The following SMIM27 variants were observed in gnomAD, a reference collection of about 807,000 sequenced individuals.
The protein encoded by SMIM27 is transition zone microprotein 1.
Under a neutral mutation model 1.8 loss-of-function variants are expected in SMIM27, and 3 were observed. The ratio of observed to expected loss-of-function variants is 1.65; its 90% CI spans 0.75 to 4.28. The LOEUF (loss-of-function observed/expected upper bound fraction) is 4.28. Among genes scored for constraint, SMIM27 ranks in the 30% most tolerant of loss-of-function variants. The pLI is 0.02. For synonymous variants in SMIM27, 19 were observed against 13.9 expected (o/e 1.37, Z -0.82); for missense variants, 63 against 37.0 (o/e 1.70, Z -1.83).
chr9:32,552,747 G>C (rs1004793752), intron 1 of SMIM27, 54 bp from the exon 2 acceptor site: 45 of 684,538 alleles, frequency 6.6e-5, no homozygotes, highest in East Asian at 3.5e-4. Context: ...ACCTGACGGG[G>C]GCGAGGGGAA....
chr9:32,564,640 G>A lies in SMIM27; in HGVS notation c.46-1751G>A, dbSNP rs77369140. Reference sequence around the variant, plus strand: ...TCCAGTCCCACCCCCATGTCCCCCAGGATTACTGCTGTTCAGATCAGCGTT... The same window carrying A: ...TCCAGTCCCACCCCCATGTCCCCCAAGATTACTGCTGTTCAGATCAGCGTT... On this transcript the variant is annotated intron_variant, in intron 1 of 1. Coordinates refer to the SMIM27 transcript ENST00000451672. Among the ~76,000 whole-genome samples, 1,159 of 152,138 alleles carry A rather than the reference G, an allele frequency of 7.6e-3. 13 individuals carry two copies. The highest frequency in any genetic ancestry group is 0.027 in the African/African-American group (1,114 of 41,486).
At chr9:32,554,329 C>G (rs148297780), downstream of SMIM27, among the ~76,000 whole-genome samples, 5 of 152,302 alleles carry the variant, frequency 3.3e-5, no homozygotes, top group Admixed American at 1.3e-4. Flanking sequence ...GAATGTGTTA[C>G]GCAATCACCA....
downstream of SMIM27, among the ~76,000 whole-genome samples, chr9:32,557,663 G>A (rs1173774060): frequency 6.8e-6 from 1 of 146,468 alleles, no homozygotes; most frequent in South Asian, 2.2e-4. Flanking sequence ...ATTTTTAGTA[G>A]AGACGGGGTT....
At chr9:32,562,791 T>C (rs1030964524) in intron 1 of SMIM27, among the ~76,000 whole-genome samples, 4 of 152,212 alleles carry the variant, frequency 2.6e-5, no homozygotes, top group Admixed American at 1.3e-4. Context: ...GTCTCAATAA[T>C]TGTTTGGACT....
At chr9:32,563,042 C>T (rs958401328) in intron 1 of SMIM27, among the ~76,000 whole-genome samples, 3 of 152,106 alleles carry the variant, frequency 2.0e-5, no homozygotes, top group Non-Finnish European at 2.9e-5. Flanking sequence ...GGAGAACAGC[C>T]CCTCAGTTTG....
At chr9:32,553,908 G>A, downstream of SMIM27, 1 of 1,599,362 alleles carries the variant, frequency 6.3e-7, no homozygotes, top group Non-Finnish European at 8.6e-7. Context: ...TCTTTCATTG[G>A]TGGAATTACT....
chr9:32,553,656 G>A (rs1427314900), downstream of SMIM27: 1 of 501,098 alleles, frequency 2.0e-6, no homozygotes, highest in Non-Finnish European at 3.6e-6. Context: ...TCCAAGTCAA[G>A]AATGACCAGA....
chr9:32,552,196 A>AC, upstream of SMIM27: 2 of 597,808 alleles, frequency 3.3e-6, no homozygotes, highest in Non-Finnish European at 5.9e-6. Context: ...AAAAAAAGCA[A>AC]TTTTTAACAT....
chr9:32,563,491 C>CTTTTTTTTTTTTTTTTT lies in SMIM27; in HGVS notation c.46-2887_46-2886insTTTTTTTTTTTTTTTTT, dbSNP rs111646430. The stretch of plus-strand genomic sequence containing the variant: ...CTCCTGAACAGGTGGGACTATTGGG[C>CTTTTTTTTTTTTTTTTT]TTTTTTTTTTTTTGGAGGGATGGGG... On this transcript the variant is annotated intron_variant, in intron 1 of 1. Transcript: ENST00000451672. 3.0e-3 allele frequency among the ~76,000 whole-genome samples: 275 copies of CTTTTTTTTTTTTTTTTT among 91,906 alleles called. 44 individuals carry two copies. The Middle Eastern group carries it at 0.033, about 11-fold the overall frequency. 60.3% of individuals were successfully genotyped at this position (91,906 alleles called of 152,430 possible).
intron 1 of SMIM27, among the ~76,000 whole-genome samples, chr9:32,564,150 C>T (rs1821709317): frequency 6.6e-6 from 1 of 152,170 alleles, no homozygotes; most frequent in South Asian, 2.1e-4. Context: ...ATGCACACAT[C>T]CACATTTACA....
At position 32,552,378 on chromosome 9, in the gene SMIM27, T is replaced by C. The variant is rs1821305163; in HGVS notation, c.-57T>C. On this transcript the variant is annotated 5_prime_UTR_variant, in exon 1 of 2. Coordinates refer to ENST00000692500, the MANE Select transcript of SMIM27 (RefSeq NM_001387564.1). ...CGCCTGGCAGCCACCGCCTGGGAGG[T>C]TACTGTAAGGCCCGCAGCTCCCGCC... The C allele has an allele frequency of 6.2e-7, 1 of 1,601,842 alleles. No individual in the cohort carries two copies. The highest frequency in any genetic ancestry group is 2.3e-5 in the East Asian group (1 of 44,348).
At chr9:32,554,742 T>G (rs1276581706), downstream of SMIM27, among the ~76,000 whole-genome samples, 1 of 152,208 alleles carries the variant, frequency 6.6e-6, no homozygotes, top group African/African-American at 2.4e-5. Flanking sequence ...CCAATAGAAA[T>G]CATTGCCTTG....
chr9:32,554,185 C>T (rs1007289121), downstream of SMIM27, among the ~76,000 whole-genome samples: 8 of 152,044 alleles, frequency 5.3e-5, no homozygotes, highest in Non-Finnish European at 8.8e-5. Flanking sequence ...AAAAAGGGCA[C>T]GAAAATTGTG....
downstream of SMIM27, among the ~76,000 whole-genome samples, chr9:32,557,867 T>A (rs551045295): frequency 2.0e-5 from 3 of 152,342 alleles, no homozygotes; most frequent in South Asian, 6.2e-4. Context: ...TTGCAACAGA[T>A]AATCATTACT....
In SMIM27 at chr9:32,566,774, G is replaced by A. The variant is rs926396983; in HGVS notation, c.*321G>A. ...CCTCAGCCCGGGTGTCGGCTGCGAC[G>A]TTCTGGCTGACGTTGTACAGGAGGT... On this transcript the variant is annotated 3_prime_UTR_variant, in exon 2 of 2. Transcript: ENST00000451672. The A allele has an allele frequency of 3.2e-5, 29 of 908,186 alleles. No individual in the cohort carries two copies. The Admixed American group carries it at 3.3e-4, about 10-fold the overall frequency. 56.3% of individuals were successfully genotyped at this position (908,186 alleles called of 1,614,324 possible). A position where few individuals can be genotyped will look rare whatever the true frequency, so the allele number is the denominator to read the frequency against.
chr9:32,558,856 A>G (rs1301990334), intron 1 of SMIM27: 2 of 1,264,668 alleles, frequency 1.6e-6, no homozygotes, highest in Non-Finnish European at 1.1e-6. Flanking sequence ...AAAGGGAGGA[A>G]AAGGAAAGAG....
At chr9:32,562,866 T>C (rs1563994589) in intron 1 of SMIM27, among the ~76,000 whole-genome samples, 1 of 152,230 alleles carries the variant, frequency 6.6e-6, no homozygotes, top group African/African-American at 2.4e-5. Flanking sequence ...AAATTCTGAC[T>C]GCCAACACCG....
downstream of SMIM27, among the ~76,000 whole-genome samples, chr9:32,556,894 A>G (rs2119001844): frequency 8.0e-6 from 1 of 124,338 alleles, no homozygotes; most frequent in African/African-American, 3.1e-5. Context: ...CTCTGTCGCT[A>G]AGGCTGGAGT....
chr9:32,559,995 CATG>C (rs554744993), intron 1 of SMIM27, among the ~76,000 whole-genome samples: 2 of 152,168 alleles, frequency 1.3e-5, no homozygotes, highest in Non-Finnish European at 2.9e-5. Context: ...AGATTATTGG[CATG>C]ATATGAGGCA....
Sources: gnomAD v4.1 joint callset for allele counts (sites outside exome capture counted in the v4.1 genomes callset) on GRCh38, gnomAD v4.1.1 for gene constraint, MANE v1.5 for transcripts, NCBI Gene and HGNC (gene_info 2026-07-23, HGNC 2026-07-21) for gene names.